The following RANBP2 variants were observed in gnomAD, a reference collection of about 807,000 sequenced individuals.
RANBP2 encodes the protein RAN binding protein 2.
In RANBP2, 57 loss-of-function variants were observed where a neutral mutation model predicts 303.6. The ratio of observed to expected loss-of-function variants is 0.19; its 90% confidence interval spans 0.15 to 0.23. The LOEUF (loss-of-function observed/expected upper bound fraction) is 0.23. RANBP2 is among the 10% of genes least tolerant of loss of function. The pLI is 1.00. For missense variants in RANBP2, 3,138 were observed against 3,780.8 expected (o/e 0.83, Z 4.46); for synonymous variants, 1,167 against 1,301.5 (o/e 0.90, Z 2.23).
the RANBP2 span, chr2:109,501,768 G>C: frequency 1.5e-6 from 1 of 650,418 alleles, no homozygotes. Flanking sequence ...AAGGGTTCCA[G>C]GTCATCTCCA....
At chr2:108,893,668 A>G in the RANBP2 span, among the ~76,000 whole-genome samples, 2 of 152,208 alleles carry the variant, frequency 1.3e-5, no homozygotes, top group Non-Finnish European at 2.9e-5. Flanking sequence ...AATCACTGAT[A>G]ACAAGAGCCA....
the RANBP2 span, among the ~76,000 whole-genome samples, chr2:109,636,085 C>A: frequency 1.3e-5 from 2 of 152,184 alleles, no homozygotes; most frequent in Non-Finnish European, 2.9e-5. Context: ...AGAGAGAAGG[C>A]ACCATCTGTG....
At chr2:109,137,178 A>G in the RANBP2 span, among the ~76,000 whole-genome samples, 6 of 152,224 alleles carry the variant, frequency 3.9e-5, no homozygotes, top group African/African-American at 1.4e-4. Context: ...ATTTCTAATG[A>G]GGAAAGTGGT....
At chr2:109,140,454 C>A in the RANBP2 span, among the ~76,000 whole-genome samples, 1 of 151,968 alleles carries the variant, frequency 6.6e-6, no homozygotes, top group African/African-American at 2.4e-5. Context: ...GATCTTGGCT[C>A]ACTGCAGGCT....
the RANBP2 span, chr2:109,347,850 C>T: frequency 6.2e-7 from 1 of 1,613,862 alleles, no homozygotes; most frequent in African/African-American, 1.3e-5. Flanking sequence ...ATATCCAGTG[C>T]ATCCAGCCCT....
chr2:109,496,980 G>A, the RANBP2 span, among the ~76,000 whole-genome samples: 16 of 152,176 alleles, frequency 1.1e-4, no homozygotes, highest in Non-Finnish European at 2.4e-4. Context: ...CCAGAGAAGG[G>A]ATGAAGGCAG....
At chr2:109,196,886 G>A in the RANBP2 span, among the ~76,000 whole-genome samples, 2 of 152,192 alleles carry the variant, frequency 1.3e-5, no homozygotes, top group Non-Finnish European at 2.9e-5. Context: ...TTCCTTTGAG[G>A]ACCCCGGCAC....
chr2:109,624,376 C>A, the RANBP2 span, among the ~76,000 whole-genome samples: 1 of 152,226 alleles, frequency 6.6e-6, no homozygotes, highest in East Asian at 1.9e-4. Flanking sequence ...TTTTACTACT[C>A]TGACCATTAT....
the RANBP2 span, among the ~76,000 whole-genome samples, chr2:109,319,186 G>A: frequency 2.6e-5 from 4 of 152,304 alleles, no homozygotes; most frequent in Admixed American, 6.5e-5. Context: ...CTTGGCTGTC[G>A]CCCTGTATAT....
the RANBP2 span, among the ~76,000 whole-genome samples, chr2:108,823,240 A>G: frequency 6.6e-6 from 1 of 152,194 alleles, no homozygotes; most frequent in African/African-American, 2.4e-5. Context: ...CATCCTCCTC[A>G]TATTCTTCGA....
At chr2:109,263,373 G>GTTTATTTTGTC in the RANBP2 span, among the ~76,000 whole-genome samples, 1 of 152,146 alleles carries the variant, frequency 6.6e-6, no homozygotes, top group Non-Finnish European at 1.5e-5. Context: ...TCTGGAATGT[G>GTTTATTTTGTC]TTTATTTTGT....
At chr2:109,022,348 C>A in the RANBP2 span, among the ~76,000 whole-genome samples, 29 of 152,250 alleles carry the variant, frequency 1.9e-4, no homozygotes, top group Admixed American at 1.7e-3. Context: ...CCAGGGGGAG[C>A]AGTGTTACTG....
chr2:109,676,735 T>G, the RANBP2 span, among the ~76,000 whole-genome samples: 1 of 152,124 alleles, frequency 6.6e-6, no homozygotes, highest in Non-Finnish European at 1.5e-5. Context: ...GATAGCACAG[T>G]GTGAATTTTG....
chr2:109,458,090 G>A, the RANBP2 span, among the ~76,000 whole-genome samples: 1 of 152,272 alleles, frequency 6.6e-6, no homozygotes, highest in Non-Finnish European at 1.5e-5. Flanking sequence ...TAACCTCAAG[G>A]GAATAAGACG....
chr2:109,490,681 T>G, the RANBP2 span: 5 of 1,523,990 alleles, frequency 3.3e-6, no homozygotes, highest in South Asian at 4.8e-5. Flanking sequence ...CCGCCATCTG[T>G]GTCTCCAACC....
chr2:109,223,242 C>G, the RANBP2 span, among the ~76,000 whole-genome samples: 8 of 152,150 alleles, frequency 5.3e-5, no homozygotes, highest in Admixed American at 5.2e-4. Context: ...GCCCTGATAA[C>G]CAGGAGTTGG....
chr2:109,092,884 G>A, the RANBP2 span, among the ~76,000 whole-genome samples: 3 of 152,322 alleles, frequency 2.0e-5, no homozygotes, highest in South Asian at 6.2e-4. Context: ...GGAGAGAGGA[G>A]TATCACAGGA....
At chr2:109,494,057 A>G in the RANBP2 span, among the ~76,000 whole-genome samples, 1 of 152,170 alleles carries the variant, frequency 6.6e-6, no homozygotes, top group African/African-American at 2.4e-5. Flanking sequence ...GCTCGTGAGA[A>G]TGACAGACTT....
chr2:109,400,505 A>G, the RANBP2 span, among the ~76,000 whole-genome samples: 1 of 151,810 alleles, frequency 6.6e-6, no homozygotes, highest in South Asian at 2.1e-4. Flanking sequence ...ATTTACACAT[A>G]CACCCCTCCA....
Sources: gnomAD v4.1 joint callset for allele counts (sites outside exome capture counted in the v4.1 genomes callset) on GRCh38, gnomAD v4.1.1 for gene constraint, MANE v1.5 for transcripts, NCBI Gene and HGNC (gene_info 2026-07-23, HGNC 2026-07-21) for gene names.